Variants in PTPRN2 observed in about 807,000 individuals in gnomAD.
PTPRN2 encodes protein tyrosine phosphatase receptor type N2, also known as receptor-type tyrosine-protein phosphatase N2.
A neutral mutation model predicts 118.8 loss-of-function variants in PTPRN2; 74 were observed. The ratio of observed to expected loss-of-function variants is 0.62; its 90% CI spans 0.52 to 0.76. PTPRN2 has a LOEUF of 0.76. Among genes scored for constraint, PTPRN2 ranks in the 30% least tolerant of loss-of-function variants. The probability of loss-of-function intolerance (pLI) is 0.00; values close to 1 mark genes in which losing one functional copy is unlikely to be tolerated. For missense variants in PTPRN2, 1,481 were observed against 1,394.4 expected (o/e 1.06, Z -0.99); for synonymous variants, 641 against 608.0 (o/e 1.05, Z -0.80).
intron 3 of PTPRN2, among the ~76,000 whole-genome samples, chr7:158,206,252 T>TCTA (rs1827132884): frequency 6.6e-6 from 1 of 152,250 alleles, no homozygotes; most frequent in Admixed American, 6.5e-5. Flanking sequence ...CCAAGTAGGA[T>TCTA]AGGGCACTGG....
intron 12 of PTPRN2, among the ~76,000 whole-genome samples, chr7:157,761,618 TAA>T (rs1554438237): frequency 1.1e-4 from 16 of 147,914 alleles, no homozygotes; most frequent in South Asian, 2.2e-4. Flanking sequence ...ATTAAAGACT[TAA>T]ACATTAGACC....
At chr7:157,577,212 G>A (rs545160161) in intron 18 of PTPRN2, among the ~76,000 whole-genome samples, 114 of 152,276 alleles carry the variant, frequency 7.5e-4, no homozygotes, top group African/African-American at 2.6e-3. Context: ...GCGCACACCC[G>A]GGTCTAGAGC....
chr7:158,395,687 C>T (rs190323675), intron 2 of PTPRN2, among the ~76,000 whole-genome samples: 18 of 6,624 alleles, frequency 2.7e-3, no homozygotes, highest in Non-Finnish European at 3.4e-3. Flanking sequence ...AGGGGCGAGG[C>T]GCGAGGGGCG....
chr7:158,118,826 C>G (rs1816927458), intron 9 of PTPRN2, among the ~76,000 whole-genome samples: 1 of 152,158 alleles, frequency 6.6e-6, no homozygotes, highest in Admixed American at 6.5e-5. Context: ...CCTCAGCCTT[C>G]CCATTTGCTG....
At chr7:158,133,360 C>T (rs2150437662) in intron 9 of PTPRN2, among the ~76,000 whole-genome samples, 1 of 152,328 alleles carries the variant, frequency 6.6e-6, no homozygotes, top group South Asian at 2.1e-4. Context: ...TTCTGACCCG[C>T]AGAGAGGCGC....
intron 11 of PTPRN2, chr7:158,027,408 C>G (rs1364429493): frequency 6.6e-6 from 1 of 152,236 alleles, no homozygotes; most frequent in East Asian, 1.9e-4. Flanking sequence ...TGACGTGGCT[C>G]TCGGCCCCCA....
chr7:158,523,571 G>T, intron 1 of PTPRN2, among the ~76,000 whole-genome samples: 1 of 102,444 alleles, frequency 9.8e-6, no homozygotes, highest in Non-Finnish European at 1.9e-5. Context: ...GAGTGGAGTC[G>T]TCTGCCCTGG....
At chr7:158,086,849 C>A (rs1413988973) in intron 10 of PTPRN2, among the ~76,000 whole-genome samples, 1 of 152,202 alleles carries the variant, frequency 6.6e-6, no homozygotes, top group Non-Finnish European at 1.5e-5. Flanking sequence ...GACTGCCTAG[C>A]ATCTGTGTTG....
rs866832188 is a variant in PTPRN2 at position 158,455,716 on chromosome 7, C to T, written c.163+34019G>A. On this transcript the variant is annotated intron_variant, in intron 2 of 22. Coordinates refer to ENST00000389418, the MANE Select transcript of PTPRN2 (RefSeq NM_002847.5). Reference sequence around the variant, plus strand: ...TCTGCAGAGAAGACAACGGCATGGACGCCATCGGCCATGGCCACCCATCGC... The same window carrying T: ...TCTGCAGAGAAGACAACGGCATGGATGCCATCGGCCATGGCCACCCATCGC... Among the ~76,000 whole-genome samples the T allele has an allele frequency of 5.3e-3, 732 of 139,134 alleles. 24 individuals carry two copies. Among genetic ancestry groups the T allele is most frequent in the African/African-American group, 0.018 (661 of 35,828 alleles). 91.3% of individuals were successfully genotyped at this position (139,134 alleles called of 152,430 possible). A position where few individuals can be genotyped will look rare whatever the true frequency, so the allele number is the denominator to read the frequency against.
intron 10 of PTPRN2, among the ~76,000 whole-genome samples, chr7:158,109,692 G>C (rs1354117200): frequency 6.6e-6 from 1 of 152,012 alleles, no homozygotes; most frequent in African/African-American, 2.4e-5. Flanking sequence ...TCACCCCTGT[G>C]TGAGGGAGAC....
intron 12 of PTPRN2, among the ~76,000 whole-genome samples, chr7:157,716,139 G>A (rs1369192484): frequency 6.6e-6 from 1 of 152,254 alleles, no homozygotes; most frequent in African/African-American, 2.4e-5. Context: ...GGGAGGTGGT[G>A]CCAGGACACT....
At chr7:157,740,090 G>A (rs1185577020) in intron 12 of PTPRN2, among the ~76,000 whole-genome samples, 2 of 152,072 alleles carry the variant, frequency 1.3e-5, no homozygotes, top group Non-Finnish European at 2.9e-5. Context: ...TTGCTGATTC[G>A]GCCAGCAGGA....
At chr7:157,640,384 AAGAT>A (rs1366038785) in intron 14 of PTPRN2, among the ~76,000 whole-genome samples, 1 of 152,242 alleles carries the variant, frequency 6.6e-6, no homozygotes, top group South Asian at 2.1e-4. Flanking sequence ...GCAGGACAGA[AAGAT>A]AGAGAAAATA....
chr7:157,551,814 AGCC>A (rs1798638046), intron 21 of PTPRN2, among the ~76,000 whole-genome samples: 2 of 134,852 alleles, frequency 1.5e-5, no homozygotes, highest in South Asian at 2.6e-4. Flanking sequence ...CGCACCCCAC[AGCC>A]AGCACGCATC....
chr7:157,936,241 C>T (rs1799689849), intron 11 of PTPRN2, among the ~76,000 whole-genome samples: 1 of 152,200 alleles, frequency 6.6e-6, no homozygotes, highest in African/African-American at 2.4e-5. Context: ...TTGATTTTGC[C>T]TCAACTAGTT....
intron 13 of PTPRN2, among the ~76,000 whole-genome samples, chr7:157,663,404 C>A (rs1795991286): frequency 6.6e-6 from 1 of 152,202 alleles, no homozygotes; most frequent in Non-Finnish European, 1.5e-5. Context: ...CACAAGAAAG[C>A]CACATCTATC....
At chr7:157,842,619 C>A (rs184442844) in intron 12 of PTPRN2, among the ~76,000 whole-genome samples, 3 of 151,852 alleles carry the variant, frequency 2.0e-5, no homozygotes, top group East Asian at 1.9e-4. Context: ...TTCACCATGT[C>A]GGTCAGGCTG....
At chr7:157,981,234 TCACCAGAAC>T (rs1373133764) in intron 11 of PTPRN2, among the ~76,000 whole-genome samples, 1 of 152,248 alleles carries the variant, frequency 6.6e-6, no homozygotes, top group Non-Finnish European at 1.5e-5. Context: ...GACAGTGGTG[TCACCAGAAC>T]CATTTAGACA....
chr7:157,837,102 T>TGTCCACCTGCCTGCCC (rs1808006569), intron 12 of PTPRN2, among the ~76,000 whole-genome samples: 1 of 80,934 alleles, frequency 1.2e-5, no homozygotes. Context: ...TCCACCCACC[T>TGTCCACCTGCCTGCCC]ATCCACTCAC....
Sources: allele counts gnomAD v4.1 joint callset (sites outside exome capture counted in the v4.1 genomes callset), GRCh38; gene constraint gnomAD v4.1.1; transcripts MANE v1.5; gene names NCBI Gene and HGNC (gene_info 2026-07-23, HGNC 2026-07-21).